The following TRIT1 variants were observed in gnomAD, a reference collection of about 807,000 sequenced individuals.
TRIT1 encodes tRNA dimethylallyltransferase.
Under a neutral mutation model 51.2 loss-of-function variants are expected in TRIT1, and 43 were observed. The observed-to-expected ratio is 0.84, with a 90% confidence interval of 0.66 to 1.08. The LOEUF (loss-of-function observed/expected upper bound fraction) is 1.08. TRIT1 is among the 50% of genes least tolerant of loss of function. The pLI is 0.00. For missense variants in TRIT1, 528 were observed against 578.4 expected, an observed-to-expected ratio of 0.91 and a Z score of 0.89; for synonymous variants, 184 against 203.9, an observed-to-expected ratio of 0.90 and a Z score of 0.83.
Position 39,880,676 on chromosome 1 carries a change from G to GT in TRIT1, c.174+2641dup, listed in dbSNP as rs1383371319. On this transcript the variant is annotated intron_variant, in intron 1 of 10. Coordinates refer to ENST00000316891, the MANE Select transcript of TRIT1 (RefSeq NM_017646.6). ...TAGCCGAGCATGGTGGCGGGCGTCT[G>GT]TAATTCCAGCTACTCGGGAGGCTGA... Among the ~76,000 whole-genome samples, 3 of 152,132 alleles carry GT rather than the reference G, an allele frequency of 2.0e-5. No homozygotes were observed. In the East Asian group the frequency reaches 5.8e-4, roughly 30 times the overall value.
At chr1:39,850,405 A>G (rs1381818234) in intron 4 of TRIT1, 144 bp from the exon 5 acceptor site, 12 of 1,113,920 alleles carry the variant, frequency 1.1e-5, no homozygotes, top group African/African-American at 1.6e-5. Context: ...GCACATCTGT[A>G]GTCCCAGCTA....
chr1:39,855,401 G>A (rs923421105), intron 2 of TRIT1, among the ~76,000 whole-genome samples: 5 of 152,182 alleles, frequency 3.3e-5, no homozygotes, highest in African/African-American at 1.2e-4. Context: ...AGTATAGGGA[G>A]CATACAATTT....
intron 6 of TRIT1, 23 bp downstream of exon 6, chr1:39,847,963 C>A: frequency 6.3e-7 from 1 of 1,594,790 alleles, no homozygotes; most frequent in South Asian, 1.1e-5. Flanking sequence ...GACAGTAGGT[C>A]AGAATAACAG....
At chr1:39,855,745 G>A (rs1017556436) in intron 2 of TRIT1, among the ~76,000 whole-genome samples, 1 of 152,186 alleles carries the variant, frequency 6.6e-6, no homozygotes, top group Admixed American at 6.5e-5. Context: ...GTGGAAAGAG[G>A]AAAGAAGATG....
intron 2 of TRIT1, among the ~76,000 whole-genome samples, chr1:39,855,900 A>G (rs1204343986): frequency 6.6e-6 from 1 of 152,198 alleles, no homozygotes; most frequent in Non-Finnish European, 1.5e-5. Context: ...GATTGGGGCC[A>G]GGCGTGGTGG....
chr1:39,855,419 A>G (rs560728263), intron 2 of TRIT1, among the ~76,000 whole-genome samples: 3 of 152,346 alleles, frequency 2.0e-5, no homozygotes, highest in Non-Finnish European at 1.5e-5. Flanking sequence ...TTTCCACAGT[A>G]AGATAAAATG....
intron 5 of TRIT1, among the ~76,000 whole-genome samples, chr1:39,848,485 C>T (rs1015673184): frequency 2.0e-5 from 3 of 151,268 alleles, no homozygotes; most frequent in Admixed American, 6.6e-5. Context: ...TGTTTAAGAA[C>T]CCCTAGATGA....
At chr1:39,857,998 C>G (rs1643000632) in intron 1 of TRIT1, among the ~76,000 whole-genome samples, 1 of 152,168 alleles carries the variant, frequency 6.6e-6, no homozygotes, top group Admixed American at 6.5e-5. Flanking sequence ...ATTACTGCTT[C>G]AGGGGTCAGC....
At chr1:39,853,947 A>G in intron 3 of TRIT1, 23 bp downstream of exon 3, 5 of 1,506,720 alleles carry the variant, frequency 3.3e-6, no homozygotes, top group Non-Finnish European at 4.6e-6. Flanking sequence ...TTCCTCAGTG[A>G]GTTACGAGTG....
chr1:39,879,777 G>A (rs540045196), intron 1 of TRIT1, among the ~76,000 whole-genome samples: 2 of 150,930 alleles, frequency 1.3e-5, no homozygotes, highest in East Asian at 2.0e-4. Flanking sequence ...GGAGGCTGAG[G>A]CAGGAGAATC....
At chr1:39,877,019 CAAAAAA>C (rs529375001) in intron 1 of TRIT1, among the ~76,000 whole-genome samples, 3 of 74,600 alleles carry the variant, frequency 4.0e-5, no homozygotes, top group African/African-American at 1.1e-4. Context: ...AATGGGTCTT[CAAAAAA>C]AAAAAAAAAA....
At chr1:39,863,922 T>C (rs539961221) in intron 1 of TRIT1, among the ~76,000 whole-genome samples, 7 of 152,236 alleles carry the variant, frequency 4.6e-5, no homozygotes, top group Admixed American at 4.6e-4. Flanking sequence ...CTGGGAGACA[T>C]CTGGCAATGT....
chr1:39,854,169 G>A (rs1642759446), intron 2 of TRIT1, 101 bp from the exon 3 acceptor site: 3 of 871,808 alleles, frequency 3.4e-6, no homozygotes, highest in Admixed American at 2.8e-5. Flanking sequence ...CAGAGCAGAG[G>A]AGAAAGGGTG....
At chr1:39,871,300 C>T (rs1158730360) in intron 1 of TRIT1, among the ~76,000 whole-genome samples, 1 of 152,144 alleles carries the variant, frequency 6.6e-6, no homozygotes, top group Admixed American at 6.5e-5. Context: ...GAATTTTAAA[C>T]GTATTTTGCT....
At chr1:39,878,611 A>G (rs1467194395) in intron 1 of TRIT1, among the ~76,000 whole-genome samples, 1 of 152,226 alleles carries the variant, frequency 6.6e-6, no homozygotes, top group African/African-American at 2.4e-5. Flanking sequence ...ATTGGTTTTA[A>G]AAAACCCAAT....
At position 39,838,913 on chromosome 1, in the gene TRIT1, T is replaced by A. The variant is rs898493971; in HGVS notation, c.*2831A>T. On this transcript the variant is annotated 3_prime_UTR_variant, in exon 11 of 11. Transcript: ENST00000316891. ...AAAAATTACTGAGAGTTAGGAAGGA[T>A]CAAGCCATATTCCTGGAATACAGAT... Among the ~76,000 whole-genome samples, 1 of 152,164 alleles carries A rather than the reference T, an allele frequency of 6.6e-6. No individual in the cohort carries two copies. Among genetic ancestry groups the A allele is most frequent in the Non-Finnish European group, 1.5e-5 (1 of 68,020 alleles).
chr1:39,868,544 T>C (rs545722075), intron 1 of TRIT1, among the ~76,000 whole-genome samples: 3 of 150,784 alleles, frequency 2.0e-5, no homozygotes, highest in Non-Finnish European at 4.4e-5. Context: ...CTCAGGAGGC[T>C]GAGGCAGGAG....
At position 39,839,570 on chromosome 1, in the gene TRIT1, A is replaced by T. The variant is rs953953046; in HGVS notation, c.*2174T>A. 3.0e-4 allele frequency among the ~76,000 whole-genome samples: 46 copies of T among 152,206 alleles called. No homozygotes were observed. Among genetic ancestry groups the T allele is most frequent in the Non-Finnish European group, 4.4e-5 (3 of 68,042 alleles). ...TACTCAGGGCAATGCTTCAGACCAG[A>T]GCACCAGGCAGATTTCTAGTGAGTG... is the stretch of plus-strand genomic sequence containing the variant. On this transcript the variant is annotated 3_prime_UTR_variant, in exon 11 of 11. Transcript: ENST00000316891.
rs1301876580 is a variant in TRIT1, at chr1:39,852,815, C to T, written c.476G>A (p.Gly159Asp). 1 of 1,614,166 alleles carries T rather than the reference C, an allele frequency of 6.2e-7. No homozygotes were observed. Among genetic ancestry groups the T allele is most frequent in the Admixed American group, 1.7e-5 (1 of 60,016 alleles). The change falls in exon 4 of 11, where the codon GGT becomes GAT. Residue 159 changes from glycine to aspartate, a missense_variant. Around this residue, in one of 3 missense-constraint regions of TRIT1, gnomAD observed 468 missense variants for 522.6 expected, o/e 0.90. Transcript: ENST00000316891. ...GCTTAGGCGTTTGTGAAGTACAAGA[C>T]CATCCTCCTTTTCAAGCTCCACTTT... ...DRKVELEKED[G>D]LVLHKRLSQV... is the part of the protein sequence containing the mutation.
Sources: allele counts gnomAD v4.1 joint callset (sites outside exome capture counted in the v4.1 genomes callset), GRCh38; gene constraint gnomAD v4.1.1; regional missense constraint gnomAD v4.1.1; transcripts MANE v1.5; gene names NCBI Gene and HGNC (gene_info 2026-07-23, HGNC 2026-07-21).